CCDC87: variants seen among roughly 807,000 people sequenced by gnomAD.
CCDC87 encodes the protein coiled-coil domain-containing protein 87.
For synonymous variants in CCDC87, 434 were observed against 440.2 expected, an observed-to-expected ratio of 0.99 and a Z score of 0.18; for missense variants, 1,072 against 1,041.7, an observed-to-expected ratio of 1.03 and a Z score of -0.40.
Position 66,592,708 on chromosome 11 carries a change from C to A in CCDC87, c.308G>T (p.Ser103Ile). Residue 103 changes from serine (S) to isoleucine (I), a missense_variant, in exon 1 of 1, where the codon AGT (serine) becomes ATT (isoleucine). Physicochemically the swap from Ser to Ile is moderately radical, Grantham distance 142. Coordinates refer to ENST00000333861, the MANE Select transcript of CCDC87 (RefSeq NM_018219.3). ...CSWREPPAEL[S>I]LSHKNNQKLR... ...CTTCTGGTTGTTTTTGTGGCTCAGACTAAGTTCGGCGGGCGGCTCCCGCCA... is the reference window on the plus strand; with the variant it reads ...CTTCTGGTTGTTTTTGTGGCTCAGAATAAGTTCGGCGGGCGGCTCCCGCCA... The A allele has an allele frequency of 6.2e-7, 1 of 1,614,128 alleles. No homozygotes were observed. Among genetic ancestry groups the A allele is most frequent in the Non-Finnish European group, 8.5e-7 (1 of 1,180,036 alleles).
rs1293958559 is a variant in CCDC87, at chr11:66,590,337, T to C, written c.*129A>G. 5.8e-6 allele frequency: 4 copies of C among 692,874 alleles called. No homozygotes were observed. Among genetic ancestry groups the C allele is most frequent in the Non-Finnish European group, 9.9e-6 (4 of 402,102 alleles). The allele number at this position is 692,874 out of a possible 1,614,324, so 42.9% of individuals were successfully genotyped here. ...TGTTCCTGAACCCTCCACTCCCAGA[T>C]ATAGACAAATATTTCTTCTTCCAAA... On this transcript the variant is annotated 3_prime_UTR_variant, in exon 1 of 1. Coordinates refer to ENST00000333861, the MANE Select transcript of CCDC87 (RefSeq NM_018219.3).
Position 66,591,232 on chromosome 11 carries a change from T to C in CCDC87, c.1784A>G (p.Asp595Gly), listed in dbSNP as rs769215657. The C allele has an allele frequency of 2.5e-6, 4 of 1,614,244 alleles. No homozygotes were observed. Among genetic ancestry groups the C allele is most frequent in the East Asian group, 2.2e-5 (1 of 44,890 alleles). The stretch of plus-strand genomic sequence containing the variant: ...GTTGGTGAGGTACTTGAAGTAGTCA[T>C]CCACAGACAAGGTGGTTTTCCATGA... Reference protein sequence around the residue: ...MNSWKTTLSVDDYFKYLTNHE... With the variant: ...MNSWKTTLSVGDYFKYLTNHE... The change falls in exon 1 of 1, where the codon GAT becomes GGT. Residue 595 changes from aspartate to glycine, a missense_variant. Asp to Gly is a moderately conservative substitution (Grantham distance 94). Coordinates refer to ENST00000333861, the MANE Select transcript of CCDC87 (RefSeq NM_018219.3).
Position 66,590,794 on chromosome 11 carries a change from A to G in CCDC87, c.2222T>C (p.Phe741Ser). Residue 741 changes from phenylalanine (F) to serine (S), a missense_variant, in exon 1 of 1, where the codon TTT becomes TCT. Transcript: ENST00000333861. The stretch of plus-strand genomic sequence containing the variant: ...GTTGGGATTGGAAGCTTGTCCCTCA[A>G]ACCACTCTAGTCTCGCCAGCAATGC... ...REALLARLEW[F>S]EGQASNPNRF... 1 of 1,613,092 alleles carries G rather than the reference A, an allele frequency of 6.2e-7. No homozygotes were observed. Among genetic ancestry groups the G allele is most frequent in the Non-Finnish European group, 8.5e-7 (1 of 1,180,050 alleles).
chr11:66,591,510 G>A lies in CCDC87; in HGVS notation c.1506C>T (p.Val502=), dbSNP rs534612416. The A allele has an allele frequency of 7.4e-6, 12 of 1,614,190 alleles. No homozygotes were observed. The South Asian group carries it at 1.3e-4, about 18-fold the overall frequency. The change falls in exon 1 of 1, where the codon GTC becomes GTT. Residue 502 remains valine (V), a synonymous_variant. Transcript: ENST00000333861. ...GATCAAAATGTAAGTGGTCAGAAGA[G>A]ACATGGCTCATCAACTCCTTGTAGA... is the stretch of plus-strand genomic sequence containing the variant. The part of the protein sequence containing the change: ...REVYKELMSH[V]SSDHLHFDQG...
Position 66,590,332 on chromosome 11 carries a change from C to T in CCDC87, c.*134G>A, listed in dbSNP as rs1438049513. ...CATAATGTTCCTGAACCCTCCACTC[C>T]CAGATATAGACAAATATTTCTTCTT... On this transcript the variant is annotated 3_prime_UTR_variant, in exon 1 of 1. Coordinates refer to ENST00000333861, the MANE Select transcript of CCDC87 (RefSeq NM_018219.3). 7.4e-6 allele frequency: 5 copies of T among 674,338 alleles called. No individual in the cohort carries two copies. The highest frequency in any genetic ancestry group is 1.3e-5 in the Non-Finnish European group (5 of 388,596). 41.8% of individuals were successfully genotyped at this position (674,338 alleles called of 1,614,324 possible).
rs760976469 is a variant in CCDC87 at position 66,592,816 on chromosome 11, G to C, written c.200C>G (p.Ala67Gly). Residue 67 changes from alanine (A) to glycine (G), a missense_variant, in exon 1 of 1, where the codon GCC (alanine) becomes GGC (glycine). Transcript: ENST00000333861. ...CACTCCCGCTGCTATCCCGCTGCCGGCCAGCAGCTTGGCCACCTGGCTGCA... is the reference window on the plus strand; with the variant it reads ...CACTCCCGCTGCTATCCCGCTGCCGCCCAGCAGCTTGGCCACCTGGCTGCA... ...SLCSQVAKLLAGSGIAAGVPP... is the reference protein window; with the variant it reads ...SLCSQVAKLLGGSGIAAGVPP... 1.3e-6 allele frequency: 2 copies of C among 1,596,584 alleles called. No individual in the cohort carries two copies. The highest frequency in any genetic ancestry group is 2.7e-5 in the African/African-American group (2 of 74,434).
rs1347588195 is a variant in CCDC87, at chr11:66,592,818, C to T, written c.198G>A (p.Leu66=). ...ASLCSQVAKL[L]AGSGIAAGVP... ...CTCCCGCTGCTATCCCGCTGCCGGC[C>T]AGCAGCTTGGCCACCTGGCTGCACA... The change falls in exon 1 of 1, where the codon CTG becomes CTA. Residue 66 remains leucine (L), a synonymous_variant. Coordinates refer to ENST00000333861, the MANE Select transcript of CCDC87 (RefSeq NM_018219.3). 1.9e-6 allele frequency: 3 copies of T among 1,596,470 alleles called. No individual in the cohort carries two copies. The highest frequency in any genetic ancestry group is 2.6e-6 in the Non-Finnish European group (3 of 1,170,028).
At position 66,590,714 on chromosome 11, in the gene CCDC87, C is replaced by G. The variant is rs1174751633; in HGVS notation, c.2302G>C (p.Val768Leu). Residue 768 changes from valine to leucine, a missense_variant, in exon 1 of 1, where the codon GTC becomes CTC. Transcript: ENST00000333861. ...SSSHFLEENQVRSHLHRKLNL... is the reference protein window; with the variant it reads ...SSSHFLEENQLRSHLHRKLNL... Reference sequence around the variant, plus strand: ...AGCTTCCTGTGGAGATGGCTTCGGACCTGATTCTCCTCCAGGAAGTGACTG... The same window carrying G: ...AGCTTCCTGTGGAGATGGCTTCGGAGCTGATTCTCCTCCAGGAAGTGACTG... 6.2e-7 allele frequency: 1 copy of G among 1,613,916 alleles called. No individual in the cohort carries two copies. Among genetic ancestry groups the G allele is most frequent in the Non-Finnish European group, 8.5e-7 (1 of 1,180,042 alleles).
rs746051003 is a variant in CCDC87 at position 66,592,605 on chromosome 11, G to A, written c.411C>T (p.Thr137=). 10 of 1,613,582 alleles carry A rather than the reference G, an allele frequency of 6.2e-6. No individual in the cohort carries two copies. Among genetic ancestry groups the A allele is most frequent in the Non-Finnish European group, 8.5e-6 (10 of 1,180,016 alleles). Residue 137 remains threonine (T), a synonymous_variant, in exon 1 of 1, where the codon ACC becomes ACT. Coordinates refer to ENST00000333861, the MANE Select transcript of CCDC87 (RefSeq NM_018219.3). Reference sequence around the variant, plus strand: ...TGAAGACCCCCCTGGGAGTCGACATGGTCACCAGCAGGTGCAGGTAGCGCA... The same window carrying A: ...TGAAGACCCCCCTGGGAGTCGACATAGTCACCAGCAGGTGCAGGTAGCGCA... ...LFLRYLHLLV[T]MSTPRGVFTE... is the part of the protein sequence containing the mutation.
In CCDC87 at chr11:66,590,526, G is replaced by C; in HGVS notation, c.2490C>G (p.Val830=). 6.2e-7 allele frequency: 1 copy of C among 1,614,052 alleles called. No individual in the cohort carries two copies. The highest frequency in any genetic ancestry group is 1.3e-5 in the African/African-American group (1 of 75,026). Residue 830 remains valine (V), a synonymous_variant, in exon 1 of 1, where the codon GTC becomes GTG. Coordinates refer to ENST00000333861, the MANE Select transcript of CCDC87 (RefSeq NM_018219.3). ...LQQQRRVRHL[V]SALKDPHQST... is the part of the protein sequence containing the mutation. Reference sequence around the variant, plus strand: ...ACTGGTGGGGATCCTTCAGGGCCGAGACCAGGTGGCGAACCCGCCGCTGCT... The same window carrying C: ...ACTGGTGGGGATCCTTCAGGGCCGACACCAGGTGGCGAACCCGCCGCTGCT...
Position 66,591,552 on chromosome 11 carries a change from G to T in CCDC87, c.1464C>A (p.Gly488=). 2 of 1,614,124 alleles carry T rather than the reference G, an allele frequency of 1.2e-6. No individual in the cohort carries two copies. Among genetic ancestry groups the T allele is most frequent in the Non-Finnish European group, 8.5e-7 (1 of 1,180,024 alleles). Residue 488 remains glycine, a synonymous_variant, in exon 1 of 1, where the codon GGC becomes GGA. Coordinates refer to ENST00000333861, the MANE Select transcript of CCDC87 (RefSeq NM_018219.3). Reference sequence around the variant, plus strand: ...CCTTGTAGACCTCCCTGGTAGTACTGCCAACAAAGTTATCAATATCCATTT... The same window carrying T: ...CCTTGTAGACCTCCCTGGTAGTACTTCCAACAAAGTTATCAATATCCATTT... The part of the protein sequence containing the change: ...IEKMDIDNFV[G]STTREVYKEL...
Position 66,590,655 on chromosome 11 carries a change from C to T in CCDC87, c.2361G>A (p.Leu787=), listed in dbSNP as rs486584. 0.51 allele frequency: 822,906 copies of T among 1,613,882 alleles called. 216,045 individuals are homozygous for T. The highest frequency in any genetic ancestry group is 0.66 in the Admixed American group (39,810 of 60,014). Residue 787 remains leucine (L), a synonymous_variant, in exon 1 of 1, where the codon CTG becomes CTA. Coordinates refer to ENST00000333861, the MANE Select transcript of CCDC87 (RefSeq NM_018219.3). ...NLMESSLVSL[L]EEIELIFGEP... ...CGCCAAAGATTAACTCTATCTCCTC[C>T]AGGAGGGAAACCAAAGAAGACTCCA... is the stretch of plus-strand genomic sequence containing the variant.
chr11:66,592,622 G>A lies in CCDC87; in HGVS notation c.394C>T (p.Leu132=), dbSNP rs746827364. 1.9e-6 allele frequency: 3 copies of A among 1,613,768 alleles called. No homozygotes were observed. In the South Asian group the frequency reaches 3.3e-5, roughly 18 times the overall value. Residue 132 remains leucine, a synonymous_variant, in exon 1 of 1, where the codon CTG becomes TTG. Transcript: ENST00000333861. ...GTCGACATGGTCACCAGCAGGTGCA[G>A]GTAGCGCAAGAAGAGCTGCTCGCTG... ...LSSEQLFLRY[L]HLLVTMSTPR... is the part of the protein sequence containing the mutation.
In CCDC87 at chr11:66,592,148, G is replaced by C; in HGVS notation, c.868C>G (p.Pro290Ala). The change falls in exon 1 of 1, where the codon CCT becomes GCT. Residue 290 changes from proline (P) to alanine (A), a missense_variant. By Grantham distance (27) the Pro-to-Ala change is conservative. Transcript: ENST00000333861. ...GAAGCCCTGCTGGTGGGGGCCACAG[G>C]ATAGCTGGGCAGCGACACCATCTGT... The part of the protein sequence containing the change: ...SSQMVSLPSY[P>A]VAPTSRASPS... The C allele has an allele frequency of 1.3e-6, 2 of 1,587,656 alleles. No individual in the cohort carries two copies. Among genetic ancestry groups the C allele is most frequent in the African/African-American group, 2.7e-5 (2 of 74,448 alleles).
rs1262527627 is a variant in CCDC87 at position 66,592,093 on chromosome 11, C to T, written c.923G>A (p.Arg308Lys). Reference protein sequence around the residue: ...SPSPFCPELRRGQSMPSLREG... With the variant: ...SPSPFCPELRKGQSMPSLREG... ...ACGCAGGGAGGGCATGGATTGGCCT[C>T]TCCGGAGCTCAGGGCAGAAAGGCGA... The change falls in exon 1 of 1, where the codon AGA (arginine) becomes AAA (lysine). Residue 308 changes from arginine (R) to lysine (K), a missense_variant. Transcript: ENST00000333861. The T allele has an allele frequency of 6.3e-7, 1 of 1,598,302 alleles. No homozygotes were observed. The highest frequency in any genetic ancestry group is 8.5e-7 in the Non-Finnish European group (1 of 1,172,080).
chr11:66,592,900 G>A lies in CCDC87; in HGVS notation c.116C>T (p.Pro39Leu), dbSNP rs200871346. ...GGACTGCAGAATCCGGCCCTCCTGC[G>A]GGGGGCGCTTCTGAGGCTCTGGGGA... is the stretch of plus-strand genomic sequence containing the variant. The part of the protein sequence containing the change: ...TTSPEPQKRP[P>L]QEGRILQSFP... Residue 39 changes from proline (P) to leucine (L), a missense_variant, in exon 1 of 1, where the codon CCG becomes CTG. By Grantham distance (98) the Pro-to-Leu change is moderately conservative. Transcript: ENST00000333861. 7.2e-6 allele frequency: 11 copies of A among 1,533,664 alleles called. No homozygotes were observed. The highest frequency in any genetic ancestry group is 7.0e-6 in the Non-Finnish European group (8 of 1,142,576).
In CCDC87 at chr11:66,592,050, T is replaced by G; in HGVS notation, c.966A>C (p.Ala322=). ...GGAGTGGAGGAAGGCCCAACTCATCTGCCAGCCTCCAGCCCTCACGCAGGG... is the reference window on the plus strand; with the variant it reads ...GGAGTGGAGGAAGGCCCAACTCATCGGCCAGCCTCCAGCCCTCACGCAGGG... ...MPSLREGWRL[A]DELGLPPLPS... Residue 322 remains alanine, a synonymous_variant, in exon 1 of 1, where the codon GCA becomes GCC. Coordinates refer to ENST00000333861, the MANE Select transcript of CCDC87 (RefSeq NM_018219.3). 3 of 1,613,220 alleles carry G rather than the reference T, an allele frequency of 1.9e-6. No individual in the cohort carries two copies. Among genetic ancestry groups the G allele is most frequent in the South Asian group, 2.2e-5 (2 of 91,020 alleles).
chr11:66,591,583 A>G lies in CCDC87; in HGVS notation c.1433T>C (p.Ile478Thr), dbSNP rs755765185. The stretch of plus-strand genomic sequence containing the variant: ...AAAGTTATCAATATCCATTTTTTCA[A>G]TGGCTTTGGGATCCAGTTCACCAGC... ...HLAGELDPKA[I>T]EKMDIDNFVG... Residue 478 changes from isoleucine to threonine, a missense_variant, in exon 1 of 1, where the codon ATT becomes ACT. Physicochemically the swap from Ile to Thr is moderately conservative, Grantham distance 89. Transcript: ENST00000333861. The G allele has an allele frequency of 3.3e-5, 54 of 1,613,928 alleles. 1 individual carries two copies. Among genetic ancestry groups the G allele is most frequent in the South Asian group, 1.9e-4 (17 of 91,080 alleles).
rs770769708 is a variant in CCDC87 at position 66,591,125 on chromosome 11, A to T, written c.1891T>A (p.Ser631Thr). Residue 631 changes from serine to threonine, a missense_variant, in exon 1 of 1, where the codon TCC becomes ACC. Ser to Thr is a moderately conservative substitution (Grantham distance 58). Coordinates refer to ENST00000333861, the MANE Select transcript of CCDC87 (RefSeq NM_018219.3). ...GGGGGAGGGTGCTGAATCTCTAGGGACTCTCTGGCAGGGGCCACAATCTCC... is the reference window on the plus strand; with the variant it reads ...GGGGGAGGGTGCTGAATCTCTAGGGTCTCTCTGGCAGGGGCCACAATCTCC... ...PVEIVAPARE[S>T]LEIQHPPPLL... 2.5e-6 allele frequency: 4 copies of T among 1,613,574 alleles called. No individual in the cohort carries two copies. The highest frequency in any genetic ancestry group is 8.5e-7 in the Non-Finnish European group (1 of 1,179,898).
Sources: allele counts gnomAD v4.1 joint callset, GRCh38; gene constraint gnomAD v4.1.1; transcripts MANE v1.5; gene names NCBI Gene and HGNC (gene_info 2026-07-23, HGNC 2026-07-21).